Variants in ADCY5 observed in about 807,000 individuals in gnomAD.
ADCY5 encodes adenylate cyclase 5.
ADCY5 carries 30 observed loss-of-function variants against 119.7 expected under a neutral mutation model. The ratio of observed to expected loss-of-function variants is 0.25; its 90% CI spans 0.19 to 0.34. The LOEUF is 0.34. Among genes scored for constraint, ADCY5 ranks in the 10% least tolerant of loss-of-function variants. The pLI is 1.00. For synonymous variants in ADCY5, 753 were observed against 762.2 expected, an observed-to-expected ratio of 0.99 and a Z score of 0.20; for missense variants, 1,324 against 1,775.2, an observed-to-expected ratio of 0.75 and a Z score of 4.57.
intron 8 of ADCY5, among the ~76,000 whole-genome samples, chr3:123,324,418 AC>A (rs1404317744): frequency 1.8e-5 from 1 of 54,806 alleles, no homozygotes; most frequent in Non-Finnish European, 3.1e-5. Flanking sequence ...ACACACACAC[AC>A]ACACACACAC....
chr3:123,396,819 CGA>C (rs146072347), intron 1 of ADCY5, among the ~76,000 whole-genome samples: 50 of 61,948 alleles, frequency 8.1e-4, no homozygotes, highest in Non-Finnish European at 9.0e-4. Context: ...GGCAGGCAGG[CGA>C]GAGAGAGAGA....
rs75081527 is a variant in ADCY5, at chr3:123,424,903, G to C, written c.1134+22509C>G. 1.3e-4 allele frequency among the ~76,000 whole-genome samples: 20 copies of C among 152,368 alleles called. No homozygotes were observed. In the East Asian group the frequency reaches 3.7e-3, roughly 28 times the overall value. On this transcript the variant is annotated intron_variant, in intron 1 of 20. Transcript: ENST00000462833. ...AGGCAGAAGGCCAGAGAGGCCGGGC[G>C]TGGGGCCAGCACCCTGAAATGCCAA... is the stretch of plus-strand genomic sequence containing the variant.
At chr3:123,424,501 C>T (rs1945362233) in intron 1 of ADCY5, among the ~76,000 whole-genome samples, 1 of 152,168 alleles carries the variant, frequency 6.6e-6, no homozygotes, top group African/African-American at 2.4e-5. Context: ...AAAGATGGTC[C>T]AGGCAGAATG....
At chr3:123,406,174 C>A (rs1033108328) in intron 1 of ADCY5, among the ~76,000 whole-genome samples, 1 of 152,220 alleles carries the variant, frequency 6.6e-6, no homozygotes, top group Admixed American at 6.5e-5. Flanking sequence ...AGGTACTGAA[C>A]AACCAGAGAC....
chr3:123,316,818 T>G (rs184273139), intron 11 of ADCY5, among the ~76,000 whole-genome samples: 37 of 152,308 alleles, frequency 2.4e-4, no homozygotes, highest in African/African-American at 8.7e-4. Flanking sequence ...GAGGAAAATG[T>G]CCTTAAGTAT....
intron 1 of ADCY5, among the ~76,000 whole-genome samples, chr3:123,356,347 G>T (rs1036216132): frequency 1.4e-4 from 21 of 152,094 alleles, no homozygotes; most frequent in African/African-American, 4.8e-4. Flanking sequence ...GCACCATCAA[G>T]AATGTGAAAA....
intron 3 of ADCY5, among the ~76,000 whole-genome samples, chr3:123,345,111 G>A (rs1428219158): frequency 2.0e-5 from 3 of 152,226 alleles, no homozygotes; most frequent in Admixed American, 6.5e-5. Flanking sequence ...GAGAGAGACA[G>A]AGGGAGGAGT....
rs563087180 is a variant in ADCY5 at position 123,340,786 on chromosome 3, C to T, written c.1406+6996G>A. On this transcript the variant is annotated intron_variant, in intron 3 of 20. Coordinates refer to ENST00000462833, the MANE Select transcript of ADCY5 (RefSeq NM_183357.3). ...TTCCTCCAAAAGCTAAAGATAGAAT[C>T]GCCGTATGATCCAGCAATGCCATTC... Among the ~76,000 whole-genome samples, 309 of 152,190 alleles carry T rather than the reference C, an allele frequency of 2.0e-3. 1 individual carries two copies. The highest frequency in any genetic ancestry group is 7.2e-3 in the African/African-American group (301 of 41,520).
At chr3:123,439,449 C>T (rs1206687780) in intron 1 of ADCY5, among the ~76,000 whole-genome samples, 2 of 152,104 alleles carry the variant, frequency 1.3e-5, no homozygotes, top group African/African-American at 2.4e-5. Flanking sequence ...CTAAGATCTA[C>T]GGTAAGAACA....
At chr3:123,354,557 G>C (rs1366215283) in intron 1 of ADCY5, among the ~76,000 whole-genome samples, 1 of 152,208 alleles carries the variant, frequency 6.6e-6, no homozygotes, top group East Asian at 1.9e-4. Context: ...AGAGGATAAG[G>C]AGGAAGAGAT....
At chr3:123,433,164 T>A (rs1945552457) in intron 1 of ADCY5, among the ~76,000 whole-genome samples, 1 of 152,002 alleles carries the variant, frequency 6.6e-6, no homozygotes, top group Non-Finnish European at 1.5e-5. Context: ...AAGAAGGGGA[T>A]GTTTCCAATT....
At chr3:123,322,293 C>G (rs898241925) in intron 8 of ADCY5, among the ~76,000 whole-genome samples, 1 of 152,198 alleles carries the variant, frequency 6.6e-6, no homozygotes, top group Non-Finnish European at 1.5e-5. Context: ...ATGCTGGTCT[C>G]TATGGTTCAA....
chr3:123,331,147 CGCCGGAACTCGGCATGGTCCTGGGACA>C (rs753939785), intron 4 of ADCY5, 131 bp from the exon 5 acceptor site: 559 of 951,762 alleles, frequency 5.9e-4, no homozygotes, highest in Non-Finnish European at 8.1e-4. Context: ...CGCAGGCCCA[CGCCGGAACTCGGCATGGTCCTGGGACA>C]GGCTTATCAG....
chr3:123,404,892 A>G (rs953083797), intron 1 of ADCY5, among the ~76,000 whole-genome samples: 1 of 152,216 alleles, frequency 6.6e-6, no homozygotes, highest in African/African-American at 2.4e-5. Flanking sequence ...TATTCTATCT[A>G]TTCAGACCCC....
chr3:123,411,463 G>A (rs987743585), intron 1 of ADCY5, among the ~76,000 whole-genome samples: 3 of 152,174 alleles, frequency 2.0e-5, no homozygotes, highest in Non-Finnish European at 4.4e-5. Flanking sequence ...AACACTCATA[G>A]TGCCTGAACT....
intron 1 of ADCY5, among the ~76,000 whole-genome samples, chr3:123,355,352 C>CT (rs1384599753): frequency 1.3e-5 from 2 of 152,176 alleles, no homozygotes; most frequent in Admixed American, 1.3e-4. Context: ...AGTTGGCTCT[C>CT]TGTATCTACA....
chr3:123,370,499 C>T (rs552985466), intron 1 of ADCY5, among the ~76,000 whole-genome samples: 26 of 152,174 alleles, frequency 1.7e-4, no homozygotes, highest in Non-Finnish European at 3.1e-4. Context: ...CACCTCCCAT[C>T]CCATTATCAA....
chr3:123,376,567 T>C (rs1943842009), intron 1 of ADCY5, among the ~76,000 whole-genome samples: 1 of 152,158 alleles, frequency 6.6e-6, no homozygotes, highest in African/African-American at 2.4e-5. Flanking sequence ...CTCAGGACAC[T>C]GTCTGCTGAG....
chr3:123,390,190 G>A (rs1328218449), intron 1 of ADCY5, among the ~76,000 whole-genome samples: 1 of 152,252 alleles, frequency 6.6e-6, no homozygotes, highest in Admixed American at 6.5e-5. Context: ...CCCAGCAGAT[G>A]CAGCTCACAG....
Sources: gnomAD v4.1 joint callset for allele counts (sites outside exome capture counted in the v4.1 genomes callset) on GRCh38, gnomAD v4.1.1 for gene constraint, MANE v1.5 for transcripts, NCBI Gene and HGNC (gene_info 2026-07-23, HGNC 2026-07-21) for gene names.